Variants in PTPRC observed in about 807,000 individuals in gnomAD.
PTPRC encodes the protein protein tyrosine phosphatase receptor type C.
A neutral mutation model predicts 155.9 loss-of-function variants in PTPRC; 44 were observed. The ratio of observed to expected loss-of-function variants is 0.28; its 90% confidence interval spans 0.22 to 0.36. The LOEUF (loss-of-function observed/expected upper bound fraction) is 0.36, where lower values mean the gene tolerates loss of function less well. Among genes scored for constraint, PTPRC ranks in the 10% least tolerant of loss-of-function variants. The pLI, the probability that PTPRC is intolerant of heterozygous loss-of-function variation, is 1.00. For missense variants in PTPRC, 1,401 were observed against 1,564.6 expected (o/e 0.90, Z 1.76); for synonymous variants, 525 against 533.1 (o/e 0.98, Z 0.21).
At chr1:198,733,843 G>A (rs1218236454) in intron 20 of PTPRC, among the ~76,000 whole-genome samples, 3 of 151,742 alleles carry the variant, frequency 2.0e-5, no homozygotes, top group African/African-American at 7.2e-5. Context: ...TTTAAATAGT[G>A]GTAGATGATC....
intron 23 of PTPRC, 132 bp from the exon 24 acceptor site, chr1:198,741,737 G>A: frequency 1.1e-6 from 1 of 887,472 alleles, no homozygotes; most frequent in South Asian, 1.6e-5. Flanking sequence ...GACACCTGAG[G>A]AAACTATGAA....
At chr1:198,692,299 TGA>T in intron 2 of PTPRC, 46 bp from the exon 3 acceptor site, 1 of 1,389,834 alleles carries the variant, frequency 7.2e-7, no homozygotes, top group East Asian at 2.6e-5. Flanking sequence ...TACATTAATA[TGA>T]ATGAAATTTG....
intron 2 of PTPRC, among the ~76,000 whole-genome samples, chr1:198,642,908 C>T (rs998741415): frequency 2.8e-5 from 3 of 107,850 alleles, no homozygotes; most frequent in Admixed American, 9.8e-5. Context: ...TTCTTTCTTC[C>T]TTTCTTTCTT....
At chr1:198,719,592 T>C (rs952919433) in intron 14 of PTPRC, among the ~76,000 whole-genome samples, 4 of 152,014 alleles carry the variant, frequency 2.6e-5, no homozygotes, top group Non-Finnish European at 5.9e-5. Context: ...TGTTTTGTTT[T>C]GTTTTGTTTG....
chr1:198,639,094 C>A lies in PTPRC; in HGVS notation c.-87C>A. On this transcript the variant is annotated 5_prime_UTR_variant, in exon 1 of 33. Coordinates refer to ENST00000442510, the MANE Select transcript of PTPRC (RefSeq NM_002838.5). ...AGCAAGTGGTTTGTTCTTAGGGTAA[C>A]AGAGGAGGAAATTGTTCCTCGTCTG... 4 of 634,900 alleles carry A rather than the reference C, an allele frequency of 6.3e-6. No individual in the cohort carries two copies. The highest frequency in any genetic ancestry group is 8.5e-6 in the Non-Finnish European group (3 of 351,540). 39.3% of individuals were successfully genotyped at this position (634,900 alleles called of 1,614,324 possible).
chr1:198,681,388 G>T (rs1665318389), intron 2 of PTPRC, among the ~76,000 whole-genome samples: 1 of 152,258 alleles, frequency 6.6e-6, no homozygotes, highest in Non-Finnish European at 1.5e-5. Flanking sequence ...TCTTTCTTGA[G>T]ACTATCAAGT....
chr1:198,753,581 T>A (rs1571897481), intron 31 of PTPRC, among the ~76,000 whole-genome samples: 1 of 152,110 alleles, frequency 6.6e-6, no homozygotes, highest in East Asian at 1.9e-4. Flanking sequence ...TTTTCAGCAT[T>A]TATGTGGAAA....
At chr1:198,656,476 C>G (rs753131941) in intron 2 of PTPRC, among the ~76,000 whole-genome samples, 3 of 151,928 alleles carry the variant, frequency 2.0e-5, no homozygotes, top group Non-Finnish European at 2.9e-5. Context: ...CTTTCCCTCC[C>G]CTACTCAAGT....
intron 18 of PTPRC, 74 bp from the exon 19 acceptor site, chr1:198,732,226 A>G (rs1654423026): frequency 3.4e-6 from 4 of 1,185,370 alleles, no homozygotes; most frequent in Admixed American, 1.8e-5. Flanking sequence ...TCATTTACTC[A>G]AAACGGTCAT....
At chr1:198,726,871 T>TCTTTTCTTTCCTTTCC in intron 15 of PTPRC, among the ~76,000 whole-genome samples, 2 of 151,384 alleles carry the variant, frequency 1.3e-5, no homozygotes. Context: ...CTTTCCTTTT[T>TCTTTTCTTTCCTTTCC]TTTTTTTTCT....
At chr1:198,742,557 A>G (rs969331919) in intron 25 of PTPRC, among the ~76,000 whole-genome samples, 190 bp downstream of exon 25, 2 of 151,946 alleles carry the variant, frequency 1.3e-5, no homozygotes, top group Non-Finnish European at 2.9e-5. Context: ...GCCTAAAAGT[A>G]CTGTGGAAGA....
intron 13 of PTPRC, 94 bp from the exon 14 acceptor site, chr1:198,718,000 C>T: frequency 9.3e-6 from 10 of 1,078,700 alleles, no homozygotes; most frequent in South Asian, 2.7e-5. Flanking sequence ...CAAGCTAACA[C>T]TTAAAATACT....
intron 2 of PTPRC, among the ~76,000 whole-genome samples, chr1:198,682,323 C>G (rs988014517): frequency 2.0e-5 from 3 of 152,140 alleles, no homozygotes; most frequent in Admixed American, 1.3e-4. Flanking sequence ...GAGTGGGAGG[C>G]TTTTGTGCAG....
At chr1:198,735,096 T>C (rs768105951) in intron 22 of PTPRC, 31 bp from the exon 23 acceptor site, 3 of 1,530,992 alleles carry the variant, frequency 2.0e-6, no homozygotes, top group Non-Finnish European at 2.6e-6. Flanking sequence ...AAATTAAAAA[T>C]TAAAATACTT....
chr1:198,742,470 A>G (rs1654948870), intron 25 of PTPRC, 103 bp downstream of exon 25: 2 of 1,399,946 alleles, frequency 1.4e-6, no homozygotes, highest in Admixed American at 1.8e-5. Context: ...ATTCTTCACA[A>G]CCTCAAACAG....
rs182334305 is a variant in PTPRC at position 198,692,649 on chromosome 1, C to T, written c.100+276C>T. ...CAGTAAATCACACAACAGGTTTCTA[C>T]TCTCTTTTAATATTTTAAGACTATA... is the stretch of plus-strand genomic sequence containing the variant. On this transcript the variant is annotated intron_variant, in intron 3 of 32. Coordinates refer to ENST00000442510, the MANE Select transcript of PTPRC (RefSeq NM_002838.5). The T allele has an allele frequency of 3.5e-5, 34 of 976,968 alleles. No individual in the cohort carries two copies. In the African/African-American group the frequency reaches 5.5e-4, roughly 16 times the overall value. 60.5% of individuals were successfully genotyped at this position (976,968 alleles called of 1,614,324 possible). A position where few individuals can be genotyped will look rare whatever the true frequency, so the allele number is the denominator to read the frequency against.
rs1015569324 is a variant in PTPRC, at chr1:198,684,917, C to G, written c.74-7430C>G. ...CTTTGTTCTAGTGTTTCTTGGATGTCCATTTGTATTTAATAAAAGGCCTCA... is the reference window on the plus strand; with the variant it reads ...CTTTGTTCTAGTGTTTCTTGGATGTGCATTTGTATTTAATAAAAGGCCTCA... On this transcript the variant is annotated intron_variant, in intron 2 of 32. Coordinates refer to ENST00000442510, the MANE Select transcript of PTPRC (RefSeq NM_002838.5). Among the ~76,000 whole-genome samples, 45 of 151,810 alleles carry G rather than the reference C, an allele frequency of 3.0e-4. 2 individuals are homozygous for G. Among genetic ancestry groups the G allele is most frequent in the Non-Finnish European group, 4.4e-5 (3 of 67,838 alleles).
intron 2 of PTPRC, chr1:198,680,036 T>G (rs545683317): frequency 3.2e-5 from 17 of 525,462 alleles, no homozygotes; most frequent in African/African-American, 3.2e-4. Flanking sequence ...CTGAGGTCCC[T>G]GGCATGGCTG....
intron 2 of PTPRC, among the ~76,000 whole-genome samples, chr1:198,690,833 A>C (rs2102363743): frequency 6.6e-6 from 1 of 152,238 alleles, no homozygotes; most frequent in South Asian, 2.1e-4. Context: ...ATTTACTAAG[A>C]TGAGGGATGA....
Sources: gnomAD v4.1 joint callset for allele counts (sites outside exome capture counted in the v4.1 genomes callset) on GRCh38, gnomAD v4.1.1 for gene constraint, MANE v1.5 for transcripts, NCBI Gene and HGNC (gene_info 2026-07-23, HGNC 2026-07-21) for gene names.